PSMA3: variants seen among roughly 807,000 people sequenced by gnomAD.
PSMA3 encodes proteasome subunit alpha type-3.
Under a neutral mutation model 40.0 loss-of-function variants are expected in PSMA3, and 8 were observed. The ratio of observed to expected loss-of-function variants is 0.20; its 90% confidence interval spans 0.12 to 0.36. The LOEUF (loss-of-function observed/expected upper bound fraction) is 0.36. Ranked by LOEUF, PSMA3 falls within the 10% of genes least tolerant of loss-of-function variation. The pLI is 1.00. For missense variants in PSMA3, 219 were observed against 310.6 expected, an observed-to-expected ratio of 0.70 and a Z score of 2.22; for synonymous variants, 110 against 100.0, an observed-to-expected ratio of 1.10 and a Z score of -0.59.
chr14:58,246,372 A>C (rs917142223), intron 1 of PSMA3, among the ~76,000 whole-genome samples: 1 of 152,178 alleles, frequency 6.6e-6, no homozygotes, highest in Non-Finnish European at 1.5e-5. Flanking sequence ...CTTTACTCCC[A>C]GAACCAACGC....
At chr14:58,262,297 T>C (rs961370547) in intron 6 of PSMA3, among the ~76,000 whole-genome samples, 1 of 151,902 alleles carries the variant, frequency 6.6e-6, no homozygotes, top group Admixed American at 6.6e-5. Flanking sequence ...AACCTCCACC[T>C]CCCCAGTTCA....
chr14:58,251,463 G>A (rs895951931), intron 2 of PSMA3, among the ~76,000 whole-genome samples: 7 of 152,050 alleles, frequency 4.6e-5, no homozygotes, highest in African/African-American at 1.2e-4. Context: ...GCCAGGTTTC[G>A]CCATGTTGCC....
At chr14:58,269,126 G>C (rs925449164) in intron 8 of PSMA3, among the ~76,000 whole-genome samples, 3 of 152,006 alleles carry the variant, frequency 2.0e-5, no homozygotes, top group African/African-American at 7.3e-5. Context: ...GTAGAGACAG[G>C]CTTTACCATC....
Position 58,247,660 on chromosome 14 carries a change from T to C in PSMA3, c.22-90T>C, listed in dbSNP as rs1259069866. 4 of 812,130 alleles carry C rather than the reference T, an allele frequency of 4.9e-6. No individual in the cohort carries two copies. The African/African-American group carries it at 5.2e-5, about 10-fold the overall frequency. The allele number at this position is 812,130 out of a possible 1,614,324, so 50.3% of individuals were successfully genotyped here. A position where few individuals can be genotyped will look rare whatever the true frequency, so the allele number is the denominator to read the frequency against. ...AAGGTCTTTGTTGGGATATAACAGG[T>C]TCCTGATGTTTCAGCCATTTAGAGG... is the stretch of plus-strand genomic sequence containing the variant. On this transcript the variant is annotated intron_variant, in intron 1 of 10. Transcript: ENST00000216455.
chr14:58,271,405 C>A (rs988900348), intron 10 of PSMA3, among the ~76,000 whole-genome samples: 1 of 146,538 alleles, frequency 6.8e-6, no homozygotes, highest in Non-Finnish European at 1.5e-5. Flanking sequence ...TCTCTGCTCA[C>A]TGCAACCTCT....
intron 1 of PSMA3, among the ~76,000 whole-genome samples, chr14:58,247,028 A>G (rs1398422209): frequency 6.6e-6 from 1 of 152,182 alleles, no homozygotes; most frequent in African/African-American, 2.4e-5. Context: ...CTTGGGACAC[A>G]GTGACCTTAT....
chr14:58,263,807 T>C (rs755004440), intron 7 of PSMA3, 37 bp downstream of exon 7: 1 of 1,572,570 alleles, frequency 6.4e-7, no homozygotes, highest in Admixed American at 1.7e-5. Context: ...TATGTCGTCA[T>C]CCTAATGCAG....
chr14:58,259,762 A>T (rs1373035686), intron 5 of PSMA3, among the ~76,000 whole-genome samples: 3 of 152,196 alleles, frequency 2.0e-5, no homozygotes, highest in African/African-American at 4.8e-5. Context: ...GGCAAGGAAG[A>T]GTGTGAGATG....
chr14:58,260,059 G>A (rs756028501), intron 5 of PSMA3, among the ~76,000 whole-genome samples: 1 of 152,140 alleles, frequency 6.6e-6, no homozygotes, highest in Admixed American at 6.5e-5. Context: ...AAAATATTCC[G>A]CATATAAGAT....
At chr14:58,258,096 A>AAT in intron 5 of PSMA3, 98 bp downstream of exon 5, 1 of 838,370 alleles carries the variant, frequency 1.2e-6, no homozygotes, top group Non-Finnish European at 1.8e-6. Flanking sequence ...AAAAATAGAA[A>AAT]CTCGTCGATA....
At chr14:58,253,282 C>T (rs911450060) in intron 3 of PSMA3, among the ~76,000 whole-genome samples, 8 of 152,192 alleles carry the variant, frequency 5.3e-5, no homozygotes, top group African/African-American at 1.9e-4. Context: ...AGCCACTGCG[C>T]CCGGCCTAAT....
intron 3 of PSMA3, among the ~76,000 whole-genome samples, chr14:58,253,415 C>T (rs532213473): frequency 2.6e-5 from 4 of 152,292 alleles, no homozygotes; most frequent in South Asian, 2.1e-4. Context: ...TGACCCACAT[C>T]GTTCAGCTGA....
intron 5 of PSMA3, among the ~76,000 whole-genome samples, chr14:58,259,139 C>T (rs1473354373): frequency 6.6e-6 from 1 of 152,034 alleles, no homozygotes; most frequent in African/African-American, 2.4e-5. Flanking sequence ...ACCATGCTGC[C>T]CAGGCTGACA....
intron 2 of PSMA3, among the ~76,000 whole-genome samples, chr14:58,248,209 G>A (rs556785989): frequency 7.9e-5 from 12 of 152,128 alleles, no homozygotes; most frequent in South Asian, 4.1e-4. Context: ...TCACATGTTC[G>A]ATTCAGCAAA....
chr14:58,267,552 AAT>A (rs766581622), intron 8 of PSMA3, 32 bp downstream of exon 8: 1 of 1,557,624 alleles, frequency 6.4e-7, no homozygotes, highest in Non-Finnish European at 8.6e-7. Flanking sequence ...CATCCACAAA[AAT>A]ATTTCATTTG....
intron 2 of PSMA3, among the ~76,000 whole-genome samples, chr14:58,250,090 C>T (rs1034806929): frequency 5.9e-5 from 9 of 151,548 alleles, no homozygotes; most frequent in Admixed American, 2.0e-4. Flanking sequence ...CATGGCAGTG[C>T]GCGCCTGTAA....
At position 58,267,339 on chromosome 14, in the gene PSMA3, G is replaced by C. The variant is rs1035304278; in HGVS notation, c.544-135G>C. On this transcript the variant is annotated intron_variant, in intron 7 of 10. Coordinates refer to ENST00000216455, the MANE Select transcript of PSMA3 (RefSeq NM_002788.4). Reference sequence around the variant, plus strand: ...TTCAAAACATTAAAATATGAATCAGGAAACTTCGATTCTGGTCTTTTTCAG... The same window carrying C: ...TTCAAAACATTAAAATATGAATCAGCAAACTTCGATTCTGGTCTTTTTCAG... 2.6e-5 allele frequency: 32 copies of C among 1,226,934 alleles called. No homozygotes were observed. In the Admixed American group the frequency reaches 9.0e-4, roughly 34 times the overall value. The allele number at this position is 1,226,934 out of a possible 1,614,324, so 76.0% of individuals were successfully genotyped here. A position where few individuals can be genotyped will look rare whatever the true frequency, so the allele number is the denominator to read the frequency against.
intron 3 of PSMA3, among the ~76,000 whole-genome samples, chr14:58,253,196 G>C (rs1890053106): frequency 6.6e-6 from 1 of 152,072 alleles, no homozygotes; most frequent in Admixed American, 6.6e-5. Context: ...TGTTGGCCAG[G>C]CTGGTCTCGA....
chr14:58,264,857 G>A (rs1233959980), intron 7 of PSMA3: 2 of 152,230 alleles, frequency 1.3e-5, no homozygotes, highest in African/African-American at 4.8e-5. Context: ...ATGAGTCTTA[G>A]ACCTATGTTC....
Sources: gnomAD v4.1 joint callset for allele counts (sites outside exome capture counted in the v4.1 genomes callset) on GRCh38, gnomAD v4.1.1 for gene constraint, MANE v1.5 for transcripts, NCBI Gene and HGNC (gene_info 2026-07-23, HGNC 2026-07-21) for gene names.